NAALAD2: variants seen among roughly 807,000 people sequenced by gnomAD.
NAALAD2 encodes the protein N-acetylated-alpha-linked acidic dipeptidase 2.
NAALAD2 carries 89 observed loss-of-function variants against 95.6 expected under a neutral mutation model. That is an observed-to-expected ratio of 0.93 (90% CI 0.78 to 1.11). The LOEUF (loss-of-function observed/expected upper bound fraction) is 1.11, where lower values mean the gene tolerates loss of function less well. Among genes scored for constraint, NAALAD2 ranks in the 50% least tolerant of loss-of-function variants. The pLI is 0.00. For synonymous variants in NAALAD2, 264 were observed against 294.4 expected (o/e 0.90, Z 1.06); for missense variants, 894 against 872.4 (o/e 1.02, Z -0.31).
chr11:90,172,900 A>G (rs183880295), intron 13 of NAALAD2, among the ~76,000 whole-genome samples: 3 of 152,326 alleles, frequency 2.0e-5, no homozygotes, highest in African/African-American at 7.2e-5. Context: ...AGGTGAGAAG[A>G]CTAAGGTTCA....
chr11:90,182,928 G>C lies in NAALAD2; in HGVS notation c.1953G>C (p.Val651=). 1 of 1,610,404 alleles carries C rather than the reference G, an allele frequency of 6.2e-7. No individual in the cohort carries two copies. Among genetic ancestry groups the C allele is most frequent in the Non-Finnish European group, 8.5e-7 (1 of 1,177,150 alleles). ...IQVDLNNPIA[V]RMMNDQLMLL... ...GTTCTTCTCGAAGTCCCATTGCAGT[G>C]AGAATGATGAATGACCAACTGATGC... Residue 651 remains valine (V), a synonymous_variant, in exon 18 of 19, where the codon GTG becomes GTC. Transcript: ENST00000534061.
intron 4 of NAALAD2, 128 bp from the exon 5 acceptor site, chr11:90,150,354 C>T (rs1247448807): frequency 1.1e-5 from 5 of 445,438 alleles, no homozygotes; most frequent in Non-Finnish European, 1.5e-5. Context: ...TACTGTGGGT[C>T]TGTTTATTAC....
chr11:90,168,400 C>T (rs533095971), intron 11 of NAALAD2, among the ~76,000 whole-genome samples: 3 of 152,292 alleles, frequency 2.0e-5, no homozygotes, highest in South Asian at 2.1e-4. Flanking sequence ...CCGGGTACTC[C>T]GGAGGCTGAG....
intron 11 of NAALAD2, among the ~76,000 whole-genome samples, chr11:90,168,615 A>G (rs950681067): frequency 3.3e-5 from 5 of 152,200 alleles, no homozygotes; most frequent in African/African-American, 1.2e-4. Flanking sequence ...TGGGAGCCAC[A>G]TCCCTGCATA....
In NAALAD2 at chr11:90,137,432, T is replaced by C. The variant is rs377665542; in HGVS notation, c.194+1762T>C. Among the ~76,000 whole-genome samples, 8 of 152,364 alleles carry C rather than the reference T, an allele frequency of 5.3e-5. No individual in the cohort carries two copies. The South Asian group carries it at 1.0e-3, about 20-fold the overall frequency. ...AGATATCCTAACTACTCTGATTTGA[T>C]CATTACTTATTGTATGCTTGTATCA... is the stretch of plus-strand genomic sequence containing the variant. On this transcript the variant is annotated intron_variant, in intron 2 of 18. Transcript: ENST00000534061.
At chr11:90,142,180 T>C (rs1294546422) in intron 2 of NAALAD2, among the ~76,000 whole-genome samples, 1 of 152,152 alleles carries the variant, frequency 6.6e-6, no homozygotes, top group African/African-American at 2.4e-5. Flanking sequence ...TTTTCTTTTT[T>C]AGCTGGTCGG....
chr11:90,181,033 G>A (rs1212480338), intron 16 of NAALAD2, among the ~76,000 whole-genome samples: 1 of 152,002 alleles, frequency 6.6e-6, no homozygotes, highest in Non-Finnish European at 1.5e-5. Context: ...TTATCTGCAG[G>A]GGATTCTGGT....
intron 15 of NAALAD2, among the ~76,000 whole-genome samples, chr11:90,176,325 G>A (rs1233067927): frequency 2.0e-5 from 3 of 152,172 alleles, no homozygotes; most frequent in Admixed American, 6.5e-5. Context: ...TCAGTACTAA[G>A]TAGTTCACAT....
At position 90,151,033 on chromosome 11, in the gene NAALAD2, A is replaced by AT. The variant is rs1268124214; in HGVS notation, c.609+434dup. On this transcript the variant is annotated intron_variant, in intron 5 of 18. Transcript: ENST00000534061. ...TTTACATTGTATATTATAAGACTTT[A>AT]TTTTTTTTCATTCAGCCATGACTCA... is the stretch of plus-strand genomic sequence containing the variant. 5.3e-5 allele frequency among the ~76,000 whole-genome samples: 8 copies of AT among 151,704 alleles called. No homozygotes were observed. The South Asian group carries it at 6.2e-4, about 12-fold the overall frequency.
At chr11:90,141,127 A>G (rs745557097) in intron 2 of NAALAD2, among the ~76,000 whole-genome samples, 71 of 152,338 alleles carry the variant, frequency 4.7e-4, no homozygotes, top group South Asian at 1.2e-3. Context: ...TGTCCTGATT[A>G]TTAAAGTGAC....
chr11:90,177,586 G>GTTTTTTTTTTTTTTT (rs57694347), intron 15 of NAALAD2, among the ~76,000 whole-genome samples: 489 of 28,464 alleles, frequency 0.017, 221 homozygotes, highest in Middle Eastern at 0.028. Flanking sequence ...TCTTTTTCTT[G>GTTTTTTTTTTTTTTT]TTTTTTTTTT....
At chr11:90,165,354 CA>C (rs1355048927) in intron 11 of NAALAD2, among the ~76,000 whole-genome samples, 2 of 152,074 alleles carry the variant, frequency 1.3e-5, no homozygotes, top group Non-Finnish European at 2.9e-5. Context: ...TTGCTGGGTC[CA>C]GTAGTATTTC....
In NAALAD2 at chr11:90,191,552, T is replaced by C. The variant is rs1857327812; in HGVS notation, c.2034-6T>C. On this transcript the variant is annotated splice_polypyrimidine_tract_variant and splice_region_variant and intron_variant, in intron 18 of 18. Transcript: ENST00000534061. The stretch of plus-strand genomic sequence containing the variant: ...AGTTCAATTTGCCTTGTTTTCTTCC[T>C]TTTAGGCACATCATATTTGCTCCAA... 2 of 1,567,770 alleles carry C rather than the reference T, an allele frequency of 1.3e-6. No homozygotes were observed. Among genetic ancestry groups the C allele is most frequent in the African/African-American group, 1.4e-5 (1 of 72,976 alleles).
chr11:90,181,775 CAT>C (rs1952981787), intron 17 of NAALAD2, 74 bp downstream of exon 17: 2 of 911,876 alleles, frequency 2.2e-6, no homozygotes, highest in Admixed American at 2.4e-5. Context: ...CTGTTTCACT[CAT>C]ATTAGCATTA....
At chr11:90,143,337 C>G (rs1488369475) in intron 2 of NAALAD2, among the ~76,000 whole-genome samples, 1 of 152,072 alleles carries the variant, frequency 6.6e-6, no homozygotes, top group Non-Finnish European at 1.5e-5. Flanking sequence ...ATTCTCCAAA[C>G]ATATTTTTCC....
At chr11:90,141,310 A>G (rs1048426229) in intron 2 of NAALAD2, among the ~76,000 whole-genome samples, 1 of 152,166 alleles carries the variant, frequency 6.6e-6, no homozygotes, top group Non-Finnish European at 1.5e-5. Context: ...CTATAGAGCT[A>G]TTTGGGAATT....
At chr11:90,182,885 C>G (rs9804494) in intron 17 of NAALAD2, 31 bp from the exon 18 acceptor site, 526,952 of 1,414,076 alleles carry the variant, frequency 0.37, 101,571 homozygotes, top group Admixed American at 0.56. Flanking sequence ...CTGCGGTTTG[C>G]GTTATAATTA....
chr11:90,153,833 A>G (rs1951951974), intron 6 of NAALAD2, among the ~76,000 whole-genome samples: 1 of 152,000 alleles, frequency 6.6e-6, no homozygotes, highest in South Asian at 2.1e-4. Context: ...TTCAATACCA[A>G]TTTTTCTTTA....
intron 2 of NAALAD2, among the ~76,000 whole-genome samples, chr11:90,143,042 T>C (rs1420728632): frequency 6.6e-6 from 1 of 152,120 alleles, no homozygotes. Flanking sequence ...ATATGTATTA[T>C]ACATACATGA....
Sources: gnomAD v4.1 joint callset for allele counts (sites outside exome capture counted in the v4.1 genomes callset) on GRCh38, gnomAD v4.1.1 for gene constraint, MANE v1.5 for transcripts, NCBI Gene and HGNC (gene_info 2026-07-23, HGNC 2026-07-21) for gene names.